Variants in ANK1 observed in about 807,000 individuals in gnomAD.
ANK1 encodes the protein ankyrin-1.
In ANK1, 51 loss-of-function variants were observed where a neutral mutation model predicts 210.4. The ratio of observed to expected loss-of-function variants is 0.24; its 90% CI spans 0.19 to 0.31. ANK1 has a LOEUF of 0.31. ANK1 is among the 10% of genes least tolerant of loss of function. The pLI is 1.00. For synonymous variants in ANK1, 967 were observed against 1,025.9 expected, an observed-to-expected ratio of 0.94 and a Z score of 1.10; for missense variants, 2,051 against 2,504.4, an observed-to-expected ratio of 0.82 and a Z score of 3.86.
intron 42 of ANK1, 97 bp from the exon 43 acceptor site, chr8:41,655,850 C>T (rs1444973775): frequency 1.0e-5 from 14 of 1,384,178 alleles, no homozygotes; most frequent in East Asian, 6.9e-5. Context: ...CAGCTCAGGC[C>T]GAATCTGACT....
chr8:41,889,764 G>T (rs1449609741), intron 1 of ANK1, among the ~76,000 whole-genome samples: 1 of 152,200 alleles, frequency 6.6e-6, no homozygotes, highest in Non-Finnish European at 1.5e-5. Context: ...AGCCATAGGA[G>T]TCTCAGCAAA....
At chr8:41,699,325 GTC>G (rs887358316) in intron 23 of ANK1, 125 bp downstream of exon 23, 19 of 890,640 alleles carry the variant, frequency 2.1e-5, no homozygotes, top group Non-Finnish European at 3.3e-5. Flanking sequence ...GGTGCAAACC[GTC>G]TCTCTCTGCG....
intron 32 of ANK1, 27 bp downstream of exon 32, chr8:41,690,447 G>A (rs1372078254): frequency 5.6e-6 from 9 of 1,614,212 alleles, no homozygotes; most frequent in Non-Finnish European, 1.7e-6. Context: ...AGACCCAGAG[G>A]AGAACTCAGC....
chr8:41,745,304 C>T (rs1456080591), intron 2 of ANK1, among the ~76,000 whole-genome samples: 4 of 152,032 alleles, frequency 2.6e-5, no homozygotes, highest in Non-Finnish European at 5.9e-5. Context: ...TTGGCAGGCA[C>T]GTGGGATGGA....
chr8:41,712,546 G>C (rs910003145), intron 16 of ANK1, among the ~76,000 whole-genome samples: 25 of 152,368 alleles, frequency 1.6e-4, no homozygotes, highest in African/African-American at 5.1e-4. Context: ...AGGCTGGAAA[G>C]TCACGGAGAG....
At chr8:41,841,428 A>G (rs188354799) in intron 1 of ANK1, among the ~76,000 whole-genome samples, 1 of 152,352 alleles carries the variant, frequency 6.6e-6, no homozygotes, top group African/African-American at 2.4e-5. Flanking sequence ...AGTTTCCACT[A>G]TGCAAGATGA....
chr8:41,695,741 CT>C (rs2150595525), intron 26 of ANK1, among the ~76,000 whole-genome samples: 1 of 152,388 alleles, frequency 6.6e-6, no homozygotes, highest in African/African-American at 2.4e-5. Flanking sequence ...AAACTTGCTG[CT>C]TTGCAAATGG....
intron 1 of ANK1, among the ~76,000 whole-genome samples, chr8:41,813,736 C>T (rs1385720426): frequency 6.6e-6 from 1 of 152,174 alleles, no homozygotes; most frequent in Non-Finnish European, 1.5e-5. Flanking sequence ...CAAACTTCGT[C>T]TGTAATACCT....
At chr8:41,703,450 A>ATTTT (rs58196949) in intron 20 of ANK1, among the ~76,000 whole-genome samples, 54 of 58,818 alleles carry the variant, frequency 9.2e-4, no homozygotes, top group African/African-American at 2.7e-3. Flanking sequence ...ATATATATAT[A>ATTTT]TTTTTTTTTT....
intron 16 of ANK1, among the ~76,000 whole-genome samples, chr8:41,710,926 C>T (rs118141819): frequency 7.9e-5 from 12 of 152,340 alleles, no homozygotes; most frequent in Non-Finnish European, 1.5e-4. Context: ...AAAGTTGAGA[C>T]TTACCCAAGG....
chr8:41,835,104 C>A (rs1012262215), intron 1 of ANK1, among the ~76,000 whole-genome samples: 1 of 152,220 alleles, frequency 6.6e-6, no homozygotes, highest in Non-Finnish European at 1.5e-5. Flanking sequence ...GGGGCGCAGG[C>A]CTAGAAGCAA....
intron 1 of ANK1, among the ~76,000 whole-genome samples, chr8:41,835,941 C>T (rs1185011454): frequency 6.6e-6 from 1 of 152,208 alleles, no homozygotes; most frequent in Non-Finnish European, 1.5e-5. Context: ...TCCCATAGGC[C>T]CCACCAGGGA....
In ANK1 at chr8:41,699,522, C is replaced by T. The variant is rs375827690; in HGVS notation, c.2488G>A (p.Glu830Lys). 1 of 1,614,202 alleles carries T rather than the reference C, an allele frequency of 6.2e-7. No homozygotes were observed. The highest frequency in any genetic ancestry group is 8.5e-7 in the Non-Finnish European group (1 of 1,180,038). Reference sequence around the variant, plus strand: ...TCAACATCCCTGGAATCCCGCCTCTCAGCCTTGAAGCTGATGAGTTCTTCC... The same window carrying T: ...TCAACATCCCTGGAATCCCGCCTCTTAGCCTTGAAGCTGATGAGTTCTTCC... Reference protein sequence around the residue: ...EGEELISFKAERRDSRDVDEE... With the variant: ...EGEELISFKAKRRDSRDVDEE... Residue 830 changes from glutamate (E) to lysine (K), a missense_variant, in exon 23 of 43, where the codon GAG (glutamate) becomes AAG (lysine). Around this residue, in one of 6 missense-constraint regions of ANK1, gnomAD observed 1,413 missense variants for 1,707.4 expected, o/e 0.83. Coordinates refer to ENST00000289734, the MANE Select transcript of ANK1 (RefSeq NM_000037.4).
In ANK1 at chr8:41,703,293, G is replaced by A. The variant is rs1586252051; in HGVS notation, c.2295+748C>T. Reference sequence around the variant, plus strand: ...GGAACCACCCAGGACATTTAATTATGTTCAGTTGTACCATACTGAAAACAG... The same window carrying A: ...GGAACCACCCAGGACATTTAATTATATTCAGTTGTACCATACTGAAAACAG... On this transcript the variant is annotated intron_variant, in intron 20 of 42. Coordinates refer to ENST00000289734, the MANE Select transcript of ANK1 (RefSeq NM_000037.4). Among the ~76,000 whole-genome samples the A allele has an allele frequency of 2.0e-5, 3 of 151,396 alleles. No homozygotes were observed. In the South Asian group the frequency reaches 6.3e-4, roughly 32 times the overall value.
chr8:41,688,088 G>T, intron 35 of ANK1, 68 bp downstream of exon 35: 1 of 1,513,848 alleles, frequency 6.6e-7, no homozygotes, highest in Non-Finnish European at 9.2e-7. Context: ...CTCATTCATT[G>T]CTCATTACAG....
At chr8:41,664,082 T>A (rs750809530) in intron 39 of ANK1, 1 of 484,296 alleles carries the variant, frequency 2.1e-6, no homozygotes, top group South Asian at 1.5e-5. Context: ...TTCCTATTTT[T>A]ACAGCACTTT....
Position 41,665,617 on chromosome 8 carries a change from G to A in ANK1, c.5395-1875C>T, listed in dbSNP as rs117444577. On this transcript the variant is annotated intron_variant, in intron 39 of 42. Transcript: ENST00000289734. ...TGCGGTGATCCAAATGCTGTTCCCC[G>A]GCATGGTAGGGATGAGACCAGCTAA... is the stretch of plus-strand genomic sequence containing the variant. The A allele has an allele frequency of 3.1e-3, 853 of 276,920 alleles. 5 individuals carry two copies. Among genetic ancestry groups the A allele is most frequent in the African/African-American group, 0.011 (504 of 45,070 alleles). The allele number at this position is 276,920 out of a possible 1,614,324, so 17.2% of individuals were successfully genotyped here. A position where few individuals can be genotyped will look rare whatever the true frequency, so the allele number is the denominator to read the frequency against.
chr8:41,757,917 T>C (rs2150712649), intron 2 of ANK1, 119 bp downstream of exon 2: 1 of 948,570 alleles, frequency 1.1e-6, no homozygotes, highest in Non-Finnish European at 1.7e-6. Context: ...GCAGGAGCCC[T>C]GGGGGAGTTT....
intron 1 of ANK1, among the ~76,000 whole-genome samples, chr8:41,821,256 C>T (rs982760451): frequency 6.6e-6 from 1 of 152,092 alleles, no homozygotes; most frequent in Non-Finnish European, 1.5e-5. Context: ...TAGATAAAAA[C>T]TTGAAATATG....
Sources: allele counts gnomAD v4.1 joint callset (sites outside exome capture counted in the v4.1 genomes callset), GRCh38; gene constraint gnomAD v4.1.1; regional missense constraint gnomAD v4.1.1; transcripts MANE v1.5; gene names NCBI Gene and HGNC (gene_info 2026-07-23, HGNC 2026-07-21).